Variants in SUSD1 observed in about 807,000 individuals in gnomAD.
SUSD1 encodes sushi domain containing 1.
SUSD1 carries 65 observed loss-of-function variants against 86.9 expected under a neutral mutation model. That is an observed-to-expected ratio of 0.75 (90% confidence interval 0.61 to 0.92). The LOEUF (loss-of-function observed/expected upper bound fraction) is 0.92. Among genes scored for constraint, SUSD1 ranks in the 40% least tolerant of loss-of-function variants. The pLI, the probability that SUSD1 is intolerant of heterozygous loss-of-function variation, is 0.00. For missense variants in SUSD1, 850 were observed against 929.7 expected, an observed-to-expected ratio of 0.91 and a Z score of 1.11; for synonymous variants, 346 against 350.0, an observed-to-expected ratio of 0.99 and a Z score of 0.13.
intron 3 of SUSD1, among the ~76,000 whole-genome samples, chr9:112,147,723 C>T (rs1257299682): frequency 1.3e-5 from 2 of 151,358 alleles, no homozygotes; most frequent in Non-Finnish European, 2.9e-5. Flanking sequence ...GAGCCGAGAT[C>T]ATGCCACTGC....
chr9:112,104,355 T>TA (rs1040955614), intron 8 of SUSD1, among the ~76,000 whole-genome samples: 31 of 150,132 alleles, frequency 2.1e-4, no homozygotes, highest in East Asian at 5.8e-4. Flanking sequence ...AGGTATATAT[T>TA]AAAAAAAAAT....
chr9:112,142,842 G>A (rs1832637029), intron 4 of SUSD1, among the ~76,000 whole-genome samples: 1 of 151,586 alleles, frequency 6.6e-6, no homozygotes, highest in South Asian at 2.1e-4. Flanking sequence ...TTATTTTCAG[G>A]GTCACTTTTG....
chr9:112,114,576 A>T (rs1199731896), intron 6 of SUSD1, among the ~76,000 whole-genome samples: 2 of 152,230 alleles, frequency 1.3e-5, no homozygotes, highest in East Asian at 3.8e-4. Context: ...GTCACCAAAA[A>T]GGGATATTCC....
At chr9:112,092,100 T>G (rs530193650) in intron 10 of SUSD1, among the ~76,000 whole-genome samples, 5 of 152,322 alleles carry the variant, frequency 3.3e-5, no homozygotes, top group Non-Finnish European at 7.3e-5. Flanking sequence ...AGAAAACAGT[T>G]GCTAGCTCAG....
chr9:112,127,639 G>A (rs1396083663), intron 5 of SUSD1, among the ~76,000 whole-genome samples: 1 of 152,160 alleles, frequency 6.6e-6, no homozygotes, highest in Non-Finnish European at 1.5e-5. Context: ...AGTCATTATA[G>A]CAGTGAACAA....
At chr9:112,044,905 GT>G (rs1287635268) in intron 15 of SUSD1, among the ~76,000 whole-genome samples, 1 of 152,216 alleles carries the variant, frequency 6.6e-6, no homozygotes, top group African/African-American at 2.4e-5. Context: ...TGGGCAAGAA[GT>G]TAACATACAG....
intron 15 of SUSD1, among the ~76,000 whole-genome samples, chr9:112,047,780 A>C (rs1353019886): frequency 6.6e-6 from 1 of 152,026 alleles, no homozygotes; most frequent in African/African-American, 2.4e-5. Flanking sequence ...CTTTGTATAT[A>C]CCTGCTGGCT....
At chr9:112,166,429 G>A (rs192430342) in intron 1 of SUSD1, among the ~76,000 whole-genome samples, 7 of 152,186 alleles carry the variant, frequency 4.6e-5, no homozygotes, top group African/African-American at 1.7e-4. Flanking sequence ...ATTCAGTAGG[G>A]GAGAGGCAGG....
At chr9:112,164,007 A>C (rs1833677082) in intron 1 of SUSD1, among the ~76,000 whole-genome samples, 2 of 152,066 alleles carry the variant, frequency 1.3e-5, no homozygotes, top group African/African-American at 4.8e-5. Context: ...TCTCAAAAAA[A>C]AAATAAAAAT....
chr9:112,174,295 G>C (rs904236430), intron 1 of SUSD1, among the ~76,000 whole-genome samples: 1 of 152,040 alleles, frequency 6.6e-6, no homozygotes, highest in Admixed American at 6.5e-5. Context: ...CAGCTCAAGG[G>C]TCACCACCGA....
intron 13 of SUSD1, among the ~76,000 whole-genome samples, chr9:112,062,650 G>A (rs138472947): frequency 4.6e-5 from 7 of 152,142 alleles, no homozygotes; most frequent in East Asian, 1.9e-4. Flanking sequence ...AGCTGAGATC[G>A]CAACACTGTA....
intron 12 of SUSD1, among the ~76,000 whole-genome samples, chr9:112,064,087 T>C (rs1398064346): frequency 6.6e-6 from 1 of 150,952 alleles, no homozygotes; most frequent in Non-Finnish European, 1.5e-5. Flanking sequence ...GCAGGACAGG[T>C]GATTTCCCAC....
In SUSD1 at chr9:112,163,894, A is replaced by G. The variant is rs111263012; in HGVS notation, c.104-6281T>C. On this transcript the variant is annotated intron_variant, in intron 1 of 16. Transcript: ENST00000374270. Reference sequence around the variant, plus strand: ...TGGACACCTGTAATCCCAGCTACTCAGGTGGCTGAGGCAAGAGGATCACTT... The same window carrying G: ...TGGACACCTGTAATCCCAGCTACTCGGGTGGCTGAGGCAAGAGGATCACTT... 3.9e-3 allele frequency among the ~76,000 whole-genome samples: 594 copies of G among 151,906 alleles called. 7 individuals carry two copies. Among genetic ancestry groups the G allele is most frequent in the African/African-American group, 0.014 (564 of 41,438 alleles).
At chr9:112,080,752 C>T (rs980136379) in intron 10 of SUSD1, among the ~76,000 whole-genome samples, 21 of 151,944 alleles carry the variant, frequency 1.4e-4, no homozygotes, top group African/African-American at 5.1e-4. Context: ...CTGCAAGCTT[C>T]CTTGGCTTAC....
intron 8 of SUSD1, among the ~76,000 whole-genome samples, chr9:112,106,191 T>C (rs1195203526): frequency 6.6e-6 from 1 of 152,064 alleles, no homozygotes; most frequent in African/African-American, 2.4e-5. Context: ...GGTTTAGCCA[T>C]GTTGACCCTG....
At chr9:112,138,062 A>ATATATGTGT (rs1832343669) in intron 5 of SUSD1, among the ~76,000 whole-genome samples, 1 of 150,066 alleles carries the variant, frequency 6.7e-6, no homozygotes, top group Admixed American at 6.7e-5. Context: ...ATCTCTACTA[A>ATATATGTGT]AAATACAAAA....
chr9:112,125,609 T>C (rs1831742523), intron 5 of SUSD1, among the ~76,000 whole-genome samples: 1 of 152,178 alleles, frequency 6.6e-6, no homozygotes, highest in African/African-American at 2.4e-5. Flanking sequence ...AGGCATTCAT[T>C]CTGATTTGTG....
chr9:112,143,807 T>C (rs924999383), intron 3 of SUSD1, among the ~76,000 whole-genome samples, 184 bp from the exon 4 acceptor site: 1 of 152,204 alleles, frequency 6.6e-6, no homozygotes, highest in Non-Finnish European at 1.5e-5. Flanking sequence ...ATATCGTTCA[T>C]ATCATAGGCA....
In SUSD1 at chr9:112,175,127, A is replaced by G; in HGVS notation, c.103+6T>C. On this transcript the variant is annotated splice_donor_region_variant and intron_variant, in intron 1 of 16. Coordinates refer to ENST00000374270, the MANE Select transcript of SUSD1 (RefSeq NM_022486.5). This position sits in a 1 kb window ranked among gnomAD's most constrained non-coding sequence, Gnocchi z 4.7. ...GCCGCCCGTGCCCGTCCCAGCCCGC[A>G]CTCACCGTCGGGGCCCGGCGCTCCC... The G allele has an allele frequency of 1.3e-5, 14 of 1,039,262 alleles. No individual in the cohort carries two copies. Among genetic ancestry groups the G allele is most frequent in the Non-Finnish European group, 1.6e-5 (14 of 868,196 alleles). The allele number at this position is 1,039,262 out of a possible 1,614,324, so 64.4% of individuals were successfully genotyped here. A position where few individuals can be genotyped will look rare whatever the true frequency, so the allele number is the denominator to read the frequency against.
Sources: gnomAD v4.1 joint callset for allele counts (sites outside exome capture counted in the v4.1 genomes callset) on GRCh38, gnomAD v4.1.1 for gene constraint, Gnocchi (gnomAD v3.1) non-coding constraint, MANE v1.5 for transcripts, NCBI Gene and HGNC (gene_info 2026-07-23, HGNC 2026-07-21) for gene names.